Variants in CCDC171 observed in about 807,000 individuals in gnomAD.
The protein encoded by CCDC171 is coiled-coil domain containing 171.
CCDC171 carries 177 observed loss-of-function variants against 168.2 expected under a neutral mutation model. That is an observed-to-expected ratio of 1.05 (90% CI 0.93 to 1.19). The LOEUF (loss-of-function observed/expected upper bound fraction) is 1.19, where lower values mean the gene tolerates loss of function less well. Among genes scored for constraint, CCDC171 ranks in the 50% most tolerant of loss-of-function variants. The pLI is 0.00. For missense variants in CCDC171, 1,991 were observed against 1,539.0 expected, an observed-to-expected ratio of 1.29 and a Z score of -4.91; for synonymous variants, 687 against 540.8, an observed-to-expected ratio of 1.27 and a Z score of -3.75.
chr9:15,681,636 A>T (rs1364920982), intron 10 of CCDC171, among the ~76,000 whole-genome samples: 4 of 151,802 alleles, frequency 2.6e-5, no homozygotes, highest in Non-Finnish European at 5.9e-5. Context: ...CTTTTCTTGT[A>T]CATATTCCTT....
intron 10 of CCDC171, among the ~76,000 whole-genome samples, chr9:15,688,975 G>A (rs1207808069): frequency 6.6e-6 from 1 of 152,148 alleles, no homozygotes; most frequent in African/African-American, 2.4e-5. Context: ...CACACATGCA[G>A]AGAAAATTAT....
intron 6 of CCDC171, among the ~76,000 whole-genome samples, chr9:16,026,090 C>G (rs998189669): frequency 2.0e-5 from 3 of 152,150 alleles, no homozygotes; most frequent in Admixed American, 1.3e-4. Context: ...CTCAGAGATA[C>G]CATGTCACGC....
intron 24 of CCDC171, among the ~76,000 whole-genome samples, chr9:15,911,416 G>T (rs1823619532): frequency 1.3e-5 from 2 of 152,128 alleles, no homozygotes; most frequent in Admixed American, 1.3e-4. Flanking sequence ...TTGTAAATTT[G>T]TTTAAGTCCC....
At chr9:15,919,027 A>G (rs1295827027) in intron 24 of CCDC171, among the ~76,000 whole-genome samples, 2 of 151,688 alleles carry the variant, frequency 1.3e-5, no homozygotes, top group Non-Finnish European at 3.0e-5. Context: ...TTCTCAGTCT[A>G]GTAAAGAAGA....
At chr9:16,074,690 G>A in the CCDC171 span, among the ~76,000 whole-genome samples, 1 of 152,200 alleles carries the variant, frequency 6.6e-6, no homozygotes, top group African/African-American at 2.4e-5. Flanking sequence ...CAAAGAGGTG[G>A]CAGAAGATAT....
At chr9:15,640,744 A>G (rs1270992508) in intron 7 of CCDC171, among the ~76,000 whole-genome samples, 1 of 152,194 alleles carries the variant, frequency 6.6e-6, no homozygotes, top group Non-Finnish European at 1.5e-5. Context: ...GTTCTTAATT[A>G]TGACCCTTCA....
intron 4 of CCDC171, among the ~76,000 whole-genome samples, chr9:15,583,496 C>T (rs2041303488): frequency 6.6e-6 from 1 of 151,718 alleles, no homozygotes; most frequent in African/African-American, 2.4e-5. Context: ...GCATATGCAG[C>T]AATCTGGATG....
intron 3 of CCDC171, among the ~76,000 whole-genome samples, chr9:15,993,066 A>C (rs2132918214): frequency 6.6e-6 from 1 of 152,310 alleles, no homozygotes; most frequent in South Asian, 2.1e-4. Context: ...GCTACCAATG[A>C]CTGTCTTCAC....
chr9:15,673,463 A>T (rs988856308), intron 9 of CCDC171, among the ~76,000 whole-genome samples: 1 of 152,224 alleles, frequency 6.6e-6, no homozygotes, highest in Non-Finnish European at 1.5e-5. Context: ...TTGCCCATTC[A>T]GTATGATATT....
chr9:15,796,817 G>A (rs2058579439), intron 21 of CCDC171, among the ~76,000 whole-genome samples: 1 of 152,188 alleles, frequency 6.6e-6, no homozygotes, highest in South Asian at 2.1e-4. Flanking sequence ...GACCTGGCAA[G>A]TACAGCCTAC....
chr9:15,839,559 A>G (rs978351529), intron 21 of CCDC171, among the ~76,000 whole-genome samples: 3 of 152,194 alleles, frequency 2.0e-5, no homozygotes, highest in Non-Finnish European at 4.4e-5. Flanking sequence ...TCACTGGATT[A>G]TAAAGAATCA....
Position 15,631,316 on chromosome 9 carries a change from G to C in CCDC171, c.822+7903G>C, listed in dbSNP as rs368112658. ...GAAAAGAGAGAAGAATCAAATAGAT[G>C]CAAGAAAAAATGATAAAGGGGATAT... On this transcript the variant is annotated intron_variant, in intron 7 of 25. Transcript: ENST00000380701. Among the ~76,000 whole-genome samples the C allele has an allele frequency of 3.3e-5, 5 of 151,992 alleles. No homozygotes were observed. The East Asian group carries it at 5.8e-4, about 18-fold the overall frequency.
intron 1 of CCDC171, among the ~76,000 whole-genome samples, chr9:15,557,901 A>C (rs1347259722): frequency 2.6e-5 from 4 of 152,092 alleles, no homozygotes; most frequent in African/African-American, 7.2e-5. Context: ...TATTATTTTG[A>C]GATACGTCCC....
chr9:15,743,728 C>T (rs2055058757), intron 16 of CCDC171, among the ~76,000 whole-genome samples: 1 of 151,920 alleles, frequency 6.6e-6, no homozygotes, highest in Non-Finnish European at 1.5e-5. Flanking sequence ...GGAGGTAAGA[C>T]AGAAACTGAA....
intron 24 of CCDC171, among the ~76,000 whole-genome samples, chr9:15,909,983 C>A (rs1823370033): frequency 6.6e-6 from 1 of 152,154 alleles, no homozygotes. Flanking sequence ...TCTCCAATAT[C>A]TGTTATTCCA....
intron 20 of CCDC171, among the ~76,000 whole-genome samples, chr9:15,783,445 C>T (rs372562448): frequency 9.9e-5 from 15 of 152,146 alleles, no homozygotes; most frequent in African/African-American, 3.1e-4. Flanking sequence ...ATATTTGTGG[C>T]GAATGATATT....
At chr9:15,719,890 T>C (rs1448676974) in intron 11 of CCDC171, among the ~76,000 whole-genome samples, 1 of 152,134 alleles carries the variant, frequency 6.6e-6, no homozygotes, top group Non-Finnish European at 1.5e-5. Context: ...TTTCATCTTG[T>C]GCAAGAGAGG....
chr9:16,077,726 C>T, the CCDC171 span, among the ~76,000 whole-genome samples: 1 of 152,144 alleles, frequency 6.6e-6, no homozygotes, highest in Admixed American at 6.6e-5. Flanking sequence ...TGTTGCTTTC[C>T]ACTGAGATTG....
intron 3 of CCDC171, among the ~76,000 whole-genome samples, chr9:15,994,448 G>T (rs1433859726): frequency 2.0e-5 from 3 of 152,202 alleles, no homozygotes; most frequent in Non-Finnish European, 4.4e-5. Flanking sequence ...GGTGGAGGGA[G>T]CAGGGAGGGA....
Sources: allele counts gnomAD v4.1 joint callset (sites outside exome capture counted in the v4.1 genomes callset), GRCh38; gene constraint gnomAD v4.1.1; transcripts MANE v1.5; gene names NCBI Gene and HGNC (gene_info 2026-07-23, HGNC 2026-07-21).